Variants in PALM2AKAP2 observed in about 807,000 individuals in gnomAD.
PALM2AKAP2 encodes PALM2 and AKAP2 fusion.
In PALM2AKAP2, 37 loss-of-function variants were observed where a neutral mutation model predicts 71.5. That is an observed-to-expected ratio of 0.52 (90% CI 0.40 to 0.68). The LOEUF (loss-of-function observed/expected upper bound fraction) is 0.68. Among genes scored for constraint, PALM2AKAP2 ranks in the 30% least tolerant of loss-of-function variants. The pLI is 0.00. For missense variants in PALM2AKAP2, 1,224 were observed against 1,191.8 expected (o/e 1.03, Z -0.40); for synonymous variants, 468 against 478.8 (o/e 0.98, Z 0.29).
chr9:109,865,197 C>T (rs1201970630), intron 1 of PALM2AKAP2, among the ~76,000 whole-genome samples: 3 of 145,656 alleles, frequency 2.1e-5, no homozygotes, highest in Admixed American at 7.3e-5. Flanking sequence ...CCACTGGGTT[C>T]AAGTGATTCT....
intron 7 of PALM2AKAP2, among the ~76,000 whole-genome samples, chr9:110,035,810 AAC>A (rs778441662): frequency 3.9e-4 from 57 of 145,832 alleles, no homozygotes; most frequent in African/African-American, 1.1e-3. Flanking sequence ...TGTTATATGT[AAC>A]ATATATATGA....
chr9:109,799,789 C>T (rs530392929), intron 1 of PALM2AKAP2, among the ~76,000 whole-genome samples: 14 of 152,314 alleles, frequency 9.2e-5, no homozygotes, highest in South Asian at 2.1e-4. Flanking sequence ...ACCACCGCGT[C>T]GGCCACCATT....
intron 1 of PALM2AKAP2, among the ~76,000 whole-genome samples, chr9:110,061,162 A>G (rs1833958205): frequency 6.6e-6 from 1 of 152,194 alleles, no homozygotes; most frequent in Non-Finnish European, 1.5e-5. Flanking sequence ...GCCACAAGTT[A>G]TGCTTTTCAA....
intron 1 of PALM2AKAP2, among the ~76,000 whole-genome samples, chr9:110,117,948 GATACAT>G (rs1588118688): frequency 1.2e-5 from 1 of 80,092 alleles, no homozygotes; most frequent in East Asian, 7.7e-4. Flanking sequence ...TATAGTGTAA[GATACAT>G]ATATATATAT....
chr9:109,965,773 T>C (rs567366889), intron 6 of PALM2AKAP2, among the ~76,000 whole-genome samples: 2 of 152,258 alleles, frequency 1.3e-5, no homozygotes, highest in South Asian at 4.2e-4. Context: ...GTGCAGTACC[T>C]GGCCATTGAA....
Position 109,813,839 on chromosome 9 carries a change from C to T in PALM2AKAP2, c.45+33306C>T, listed in dbSNP as rs140971753. On this transcript the variant is annotated intron_variant, in intron 1 of 9. Transcript: ENST00000302798. ...AACCCAACTCTACTCGTCTGTCCTACGTAGGGTCTACAAGGCAGTGTAACA... is the reference window on the plus strand; with the variant it reads ...AACCCAACTCTACTCGTCTGTCCTATGTAGGGTCTACAAGGCAGTGTAACA... 3.3e-3 allele frequency among the ~76,000 whole-genome samples: 509 copies of T among 152,306 alleles called. 4 individuals carry two copies. The highest frequency in any genetic ancestry group is 0.014 in the Middle Eastern group (4 of 294).
chr9:109,962,483 TC>T (rs1245894421), intron 6 of PALM2AKAP2, among the ~76,000 whole-genome samples: 1 of 152,128 alleles, frequency 6.6e-6, no homozygotes, highest in Non-Finnish European at 1.5e-5. Flanking sequence ...GGGAAAAAAA[TC>T]ATATGGCCCA....
intron 1 of PALM2AKAP2, among the ~76,000 whole-genome samples, chr9:109,852,092 A>G (rs1440897545): frequency 6.6e-6 from 1 of 152,162 alleles, no homozygotes; most frequent in Non-Finnish European, 1.5e-5. Context: ...AAAATAATTA[A>G]AGAATATTTA....
At position 109,839,853 on chromosome 9, in the gene PALM2AKAP2, C is replaced by T. The variant is rs139493991; in HGVS notation, c.46-27638C>T. ...AGGAGAGCTACAAACCACTGCTCAA[C>T]GAAATAGAAGAGGACACAAACAAAT... On this transcript the variant is annotated intron_variant, in intron 1 of 9. Transcript: ENST00000302798. 3.2e-3 allele frequency among the ~76,000 whole-genome samples: 489 copies of T among 152,030 alleles called. 2 individuals carry two copies. Among genetic ancestry groups the T allele is most frequent in the African/African-American group, 0.011 (455 of 41,462 alleles).
At chr9:109,640,950 G>T in intron 1 of PALM2AKAP2, 1 of 1,439,582 alleles carries the variant, frequency 6.9e-7, no homozygotes, top group South Asian at 1.4e-5. Context: ...GATCCCGCTC[G>T]GGTCCGCGTC....
chr9:109,730,921 A>G (rs555289155), intron 1 of PALM2AKAP2, among the ~76,000 whole-genome samples: 1 of 151,816 alleles, frequency 6.6e-6, no homozygotes, highest in South Asian at 2.1e-4. Flanking sequence ...AAAAAAGGAT[A>G]ACATAACATC....
At chr9:109,912,561 T>C (rs1361779453) in intron 3 of PALM2AKAP2, among the ~76,000 whole-genome samples, 4 of 152,252 alleles carry the variant, frequency 2.6e-5, no homozygotes, top group Non-Finnish European at 5.9e-5. Context: ...ACAAATGCGC[T>C]GTCTTCCTGA....
chr9:109,999,553 G>A (rs1311336109), intron 6 of PALM2AKAP2, among the ~76,000 whole-genome samples: 4 of 151,874 alleles, frequency 2.6e-5, no homozygotes, highest in Admixed American at 2.6e-4. Flanking sequence ...TTTCTCCTTC[G>A]GCACTCTCTG....
intron 1 of PALM2AKAP2, among the ~76,000 whole-genome samples, chr9:109,828,457 C>T (rs1417845224): frequency 1.3e-5 from 2 of 152,240 alleles, no homozygotes; most frequent in East Asian, 3.9e-4. Flanking sequence ...AGCCTAGTTG[C>T]GTTCTGTTCA....
At chr9:110,036,786 C>T (rs1229321560) in intron 7 of PALM2AKAP2, among the ~76,000 whole-genome samples, 1 of 152,106 alleles carries the variant, frequency 6.6e-6, no homozygotes, top group African/African-American at 2.4e-5. Flanking sequence ...CTCCTGGCTG[C>T]TCCAAACATG....
At chr9:109,983,896 TTGTGAGTCAGA>T (rs1317944019) in intron 6 of PALM2AKAP2, among the ~76,000 whole-genome samples, 5 of 150,578 alleles carry the variant, frequency 3.3e-5, no homozygotes, top group African/African-American at 1.2e-4. Context: ...GAAAAAAAAA[TTGTGAGTCAGA>T]TGCTCAATGG....
chr9:110,041,326 C>T (rs994761357), intron 7 of PALM2AKAP2, among the ~76,000 whole-genome samples: 2 of 151,648 alleles, frequency 1.3e-5, no homozygotes, highest in Non-Finnish European at 2.9e-5. Flanking sequence ...ATACTGGTGC[C>T]ATTTACATGT....
At chr9:109,797,211 C>CT (rs1171694983) in intron 1 of PALM2AKAP2, among the ~76,000 whole-genome samples, 3 of 151,926 alleles carry the variant, frequency 2.0e-5, no homozygotes, top group African/African-American at 4.9e-5. Context: ...TGGCCGCTAT[C>CT]TAAGTTCTCA....
At chr9:109,758,128 C>T (rs114878277) in intron 1 of PALM2AKAP2, among the ~76,000 whole-genome samples, 11 of 152,200 alleles carry the variant, frequency 7.2e-5, no homozygotes, top group African/African-American at 2.6e-4. Flanking sequence ...ACATACTGCA[C>T]ACTATTCTGC....
Sources: gnomAD v4.1 joint callset for allele counts (sites outside exome capture counted in the v4.1 genomes callset) on GRCh38, gnomAD v4.1.1 for gene constraint, MANE v1.5 for transcripts, NCBI Gene and HGNC (gene_info 2026-07-23, HGNC 2026-07-21) for gene names.